Variants in SPON1 observed in about 807,000 individuals in gnomAD.
SPON1 encodes spondin-1.
In SPON1, 52 loss-of-function variants were observed where a neutral mutation model predicts 111.7. The ratio of observed to expected loss-of-function variants is 0.47; its 90% CI spans 0.37 to 0.59. The LOEUF is 0.59. Ranked by LOEUF, SPON1 falls within the 20% of genes least tolerant of loss-of-function variation. SPON1 has a pLI of 0.00. For missense variants in SPON1, 957 were observed against 1,068.5 expected (o/e 0.90, Z 1.46); for synonymous variants, 410 against 395.8 (o/e 1.04, Z -0.43).
chr11:14,169,647 C>T (rs1429826432), intron 6 of SPON1, among the ~76,000 whole-genome samples: 3 of 151,954 alleles, frequency 2.0e-5, no homozygotes, highest in Non-Finnish European at 2.9e-5. Context: ...ACATGTAAGT[C>T]TTTAATCCAT....
In SPON1 at chr11:14,259,252, G is replaced by C; in HGVS notation, c.1493-28G>C. ...GCAGGCGCCCCTGCCACCGTGCACT[G>C]CTGCAGCGTTCACTCGGTGTGTTGC... is the stretch of plus-strand genomic sequence containing the variant. On this transcript the variant is annotated intron_variant, in intron 11 of 15. Transcript: ENST00000576479. The surrounding 1 kb of genome is among the most constrained non-coding windows in gnomAD (Gnocchi z 5.0). 6.3e-7 allele frequency: 1 copy of C among 1,586,530 alleles called. No individual in the cohort carries two copies. The highest frequency in any genetic ancestry group is 1.2e-5 in the South Asian group (1 of 86,408).
At chr11:13,984,563 A>G (rs1002080152) in intron 2 of SPON1, among the ~76,000 whole-genome samples, 1 of 152,172 alleles carries the variant, frequency 6.6e-6, no homozygotes, top group Non-Finnish European at 1.5e-5. Context: ...CACTCCCACG[A>G]CAACCACAAT....
intron 6 of SPON1, among the ~76,000 whole-genome samples, chr11:14,169,878 A>G (rs1848076495): frequency 6.6e-6 from 1 of 152,140 alleles, no homozygotes; most frequent in African/African-American, 2.4e-5. Flanking sequence ...TACCAGTACC[A>G]TGCTGTTTTG....
At chr11:14,129,850 C>T (rs1456468828) in intron 5 of SPON1, among the ~76,000 whole-genome samples, 2 of 152,166 alleles carry the variant, frequency 1.3e-5, no homozygotes, top group Non-Finnish European at 2.9e-5. Flanking sequence ...GAAGGAGAAG[C>T]AGGCGCCTTC....
At chr11:14,231,901 T>C (rs1351304266) in intron 6 of SPON1, among the ~76,000 whole-genome samples, 4 of 146,522 alleles carry the variant, frequency 2.7e-5, no homozygotes, top group African/African-American at 1.0e-4. Flanking sequence ...AATATTGCAA[T>C]TGATGAAAGC....
At chr11:14,062,843 A>G (rs1048698938) in intron 3 of SPON1, among the ~76,000 whole-genome samples, 20 of 152,328 alleles carry the variant, frequency 1.3e-4, no homozygotes, top group African/African-American at 4.6e-4. Context: ...CAAACAAAGC[A>G]GTGACCAGGA....
intron 2 of SPON1, among the ~76,000 whole-genome samples, chr11:14,001,123 A>C (rs1417236616): frequency 1.3e-5 from 2 of 152,166 alleles, no homozygotes; most frequent in Non-Finnish European, 2.9e-5. Flanking sequence ...TCCACCCCCC[A>C]AGAAATGGAG....
At chr11:14,173,776 G>A (rs1848138412) in intron 6 of SPON1, among the ~76,000 whole-genome samples, 1 of 152,148 alleles carries the variant, frequency 6.6e-6, no homozygotes, top group Non-Finnish European at 1.5e-5. Flanking sequence ...TGTTTACCTG[G>A]GTGTCAGCAG....
Position 14,256,170 on chromosome 11 carries a change from C to G in SPON1, c.1233+383C>G, listed in dbSNP as rs929869248. Reference sequence around the variant, plus strand: ...GCTAAGGCAGGAGAATTGCTTGAACCCTGGAGGTGGAGGTTACAGTGAGCC... The same window carrying G: ...GCTAAGGCAGGAGAATTGCTTGAACGCTGGAGGTGGAGGTTACAGTGAGCC... On this transcript the variant is annotated intron_variant, in intron 9 of 15. Transcript: ENST00000576479. Among the ~76,000 whole-genome samples, 4 of 152,288 alleles carry G rather than the reference C, an allele frequency of 2.6e-5. No individual in the cohort carries two copies. In the East Asian group the frequency reaches 7.7e-4, roughly 29 times the overall value.
At chr11:13,979,254 G>A (rs1181692372) in intron 1 of SPON1, among the ~76,000 whole-genome samples, 1 of 152,040 alleles carries the variant, frequency 6.6e-6, no homozygotes, top group African/African-American at 2.4e-5. Context: ...TCATCTCGTG[G>A]CATTCTTCCC....
chr11:14,074,085 G>T (rs1554921164), intron 3 of SPON1, among the ~76,000 whole-genome samples: 1 of 152,166 alleles, frequency 6.6e-6, no homozygotes, highest in Non-Finnish European at 1.5e-5. Context: ...TTGGCTTTGG[G>T]GTGAAGACTG....
intron 3 of SPON1, among the ~76,000 whole-genome samples, chr11:14,044,874 G>A (rs189351244): frequency 1.1e-4 from 17 of 152,296 alleles, no homozygotes; most frequent in African/African-American, 3.8e-4. Flanking sequence ...TACATACAAA[G>A]CTACCTCTTT....
rs11378441 is a variant in SPON1 at position 14,000,207 on chromosome 11, C to CT, written c.345+17255dup. Among the ~76,000 whole-genome samples, 801 of 152,198 alleles carry CT rather than the reference C, an allele frequency of 5.3e-3. 9 individuals are homozygous for CT. Among genetic ancestry groups the CT allele is most frequent in the African/African-American group, 0.018 (740 of 41,518 alleles). On this transcript the variant is annotated intron_variant, in intron 2 of 15. Transcript: ENST00000576479. ...GGCATGGATATATGCCTCAAAAACT[C>CT]TATTTCCTCATCCCTCTACCTGGGA...
intron 3 of SPON1, among the ~76,000 whole-genome samples, chr11:14,074,933 A>C (rs1239496249): frequency 6.6e-6 from 1 of 152,172 alleles, no homozygotes; most frequent in African/African-American, 2.4e-5. Context: ...CCCCTTCACA[A>C]AGAGGATCTG....
chr11:14,098,000 TTTTC>T (rs1281796306), intron 5 of SPON1, among the ~76,000 whole-genome samples: 1 of 152,120 alleles, frequency 6.6e-6, no homozygotes, highest in Non-Finnish European at 1.5e-5. Context: ...GGTGTTGCAT[TTTTC>T]TTTCTTTTTG....
intron 5 of SPON1, among the ~76,000 whole-genome samples, chr11:14,101,288 T>A (rs1384416807): frequency 2.0e-5 from 3 of 152,044 alleles, no homozygotes; most frequent in Non-Finnish European, 4.4e-5. Context: ...TAATCCCAGC[T>A]ACTCAGGAGG....
At chr11:14,183,967 A>G (rs1316383633) in intron 6 of SPON1, among the ~76,000 whole-genome samples, 1 of 152,194 alleles carries the variant, frequency 6.6e-6, no homozygotes, top group African/African-American at 2.4e-5. Flanking sequence ...AGAAAGTGAA[A>G]TGCTATACAT....
chr11:14,236,988 A>G (rs1554939268), intron 6 of SPON1, among the ~76,000 whole-genome samples: 1 of 152,208 alleles, frequency 6.6e-6, no homozygotes, highest in East Asian at 1.9e-4. Context: ...AGTGCAGACC[A>G]TGGGCAAACT....
chr11:14,154,550 A>AT (rs1847821482), intron 6 of SPON1, among the ~76,000 whole-genome samples: 1 of 151,942 alleles, frequency 6.6e-6, no homozygotes, highest in African/African-American at 2.4e-5. Flanking sequence ...CCACAAAACC[A>AT]TTTTTCCCTC....
Sources: allele counts gnomAD v4.1 joint callset (sites outside exome capture counted in the v4.1 genomes callset), GRCh38; gene constraint gnomAD v4.1.1; non-coding constraint Gnocchi (gnomAD v3.1); transcripts MANE v1.5; gene names NCBI Gene and HGNC (gene_info 2026-07-23, HGNC 2026-07-21).